Variants in ADAMTS17 observed in about 807,000 individuals in gnomAD.
ADAMTS17 encodes A disintegrin and metalloproteinase with thrombospondin motifs 17.
A neutral mutation model predicts 141.5 loss-of-function variants in ADAMTS17; 113 were observed. The observed-to-expected ratio is 0.80, with a 90% confidence interval of 0.69 to 0.93. The LOEUF is 0.93. Ranked by LOEUF, ADAMTS17 falls within the 40% of genes least tolerant of loss-of-function variation. The probability of loss-of-function intolerance (pLI) is 0.00; values close to 1 mark genes in which losing one functional copy is unlikely to be tolerated. For missense variants in ADAMTS17, 1,659 were observed against 1,517.9 expected, an observed-to-expected ratio of 1.09 and a Z score of -1.54; for synonymous variants, 768 against 630.6, an observed-to-expected ratio of 1.22 and a Z score of -3.27.
intron 4 of ADAMTS17, among the ~76,000 whole-genome samples, chr15:100,264,002 G>C (rs1466406105): frequency 2.6e-5 from 4 of 152,192 alleles, no homozygotes; most frequent in Non-Finnish European, 5.9e-5. Flanking sequence ...CGTGACAAAG[G>C]AATCAGCCGT....
intron 15 of ADAMTS17, among the ~76,000 whole-genome samples, chr15:100,080,309 CAAG>C (rs2034647014): frequency 6.6e-6 from 1 of 152,022 alleles, no homozygotes; most frequent in South Asian, 2.1e-4. Flanking sequence ...GTCAACAGGC[CAAG>C]AAGGGAGTTA....
intron 10 of ADAMTS17, among the ~76,000 whole-genome samples, chr15:100,147,490 C>A (rs997256085): frequency 6.6e-6 from 1 of 152,182 alleles, no homozygotes; most frequent in African/African-American, 2.4e-5. Flanking sequence ...TGTACTACTA[C>A]TACTACACCA....
intron 8 of ADAMTS17, among the ~76,000 whole-genome samples, chr15:100,177,979 T>C (rs562208441): frequency 5.4e-4 from 81 of 151,094 alleles, no homozygotes; most frequent in African/African-American, 1.8e-3. Flanking sequence ...ATATAGCGAT[T>C]CCTGTTTTTT....
At chr15:100,324,008 A>C (rs2045818157) in intron 3 of ADAMTS17, among the ~76,000 whole-genome samples, 1 of 147,896 alleles carries the variant, frequency 6.8e-6, no homozygotes, top group Admixed American at 7.0e-5. Flanking sequence ...TCACATCCGT[A>C]AACGTTCCTT....
chr15:100,139,165 A>G (rs147761450), intron 10 of ADAMTS17, among the ~76,000 whole-genome samples: 1 of 152,328 alleles, frequency 6.6e-6, no homozygotes, highest in East Asian at 1.9e-4. Flanking sequence ...TAAACAATAC[A>G]AGAAAAAGGG....
chr15:100,151,525 C>G (rs1425800327), intron 10 of ADAMTS17, among the ~76,000 whole-genome samples: 1 of 152,176 alleles, frequency 6.6e-6, no homozygotes. Context: ...GCTCCAGGAA[C>G]CTGCCCAGCC....
intron 7 of ADAMTS17, among the ~76,000 whole-genome samples, chr15:100,253,620 T>C (rs8032723): frequency 9.6e-4 from 146 of 152,140 alleles, no homozygotes; most frequent in African/African-American, 3.3e-3. Flanking sequence ...TGCATGCCAC[T>C]TTCAGTGCTG....
chr15:100,199,180 G>A lies in ADAMTS17; in HGVS notation c.1181+138C>T, dbSNP rs977849268. ...GGTCTCTGAGGGTTTGGACCCTAGTGTACTGACCTGGGTCCTTTATTGCAG... is the reference window on the plus strand; with the variant it reads ...GGTCTCTGAGGGTTTGGACCCTAGTATACTGACCTGGGTCCTTTATTGCAG... On this transcript the variant is annotated intron_variant, in intron 8 of 21. Coordinates refer to ENST00000268070, the MANE Select transcript of ADAMTS17 (RefSeq NM_139057.4). 5.0e-6 allele frequency: 4 copies of A among 795,102 alleles called. No individual in the cohort carries two copies. The African/African-American group carries it at 6.8e-5, about 13-fold the overall frequency. The allele number at this position is 795,102 out of a possible 1,614,324, so 49.3% of individuals were successfully genotyped here.
intron 7 of ADAMTS17, among the ~76,000 whole-genome samples, chr15:100,244,056 G>A (rs1037122127): frequency 2.0e-5 from 3 of 152,094 alleles, no homozygotes; most frequent in African/African-American, 7.2e-5. Flanking sequence ...CATGGCTGAG[G>A]AGGCCTCACA....
At chr15:99,983,478 C>T (rs113346507) in intron 20 of ADAMTS17, among the ~76,000 whole-genome samples, 63 of 152,242 alleles carry the variant, frequency 4.1e-4, no homozygotes, top group Admixed American at 9.2e-4. Flanking sequence ...TTCCCCACAG[C>T]GGGATTCCCT....
At chr15:100,037,711 G>A (rs1000019358) in intron 18 of ADAMTS17, among the ~76,000 whole-genome samples, 1 of 151,980 alleles carries the variant, frequency 6.6e-6, no homozygotes, top group Non-Finnish European at 1.5e-5. Context: ...GCTTGGCCTA[G>A]ATGTTCTTCA....
chr15:100,210,286 A>G (rs1596285886), intron 7 of ADAMTS17, among the ~76,000 whole-genome samples: 1 of 151,230 alleles, frequency 6.6e-6, no homozygotes, highest in Admixed American at 6.6e-5. Context: ...GGGAGGGGTA[A>G]GTAATGAGGC....
At chr15:100,082,162 T>G (rs543348940) in intron 15 of ADAMTS17, among the ~76,000 whole-genome samples, 1 of 151,836 alleles carries the variant, frequency 6.6e-6, no homozygotes, top group South Asian at 2.1e-4. Flanking sequence ...GCCTCCTGGG[T>G]TCAAGCGATT....
At chr15:99,981,365 G>A (rs1486600364) in intron 20 of ADAMTS17, among the ~76,000 whole-genome samples, 1 of 145,730 alleles carries the variant, frequency 6.9e-6, no homozygotes, top group Non-Finnish European at 1.5e-5. Flanking sequence ...AGGGCCAGGT[G>A]TGAGGCAGTT....
intron 10 of ADAMTS17, among the ~76,000 whole-genome samples, chr15:100,138,230 A>T (rs1448870487): frequency 2.0e-5 from 3 of 152,228 alleles, no homozygotes; most frequent in Non-Finnish European, 2.9e-5. Context: ...TAAAGAGAGC[A>T]ATTTAGGATC....
rs544372449 is a variant in ADAMTS17 at position 100,077,447 on chromosome 15, G to A, written c.2137+18909C>T. 9.0e-5 allele frequency among the ~76,000 whole-genome samples: 11 copies of A among 121,676 alleles called. No individual in the cohort carries two copies. In the East Asian group the frequency reaches 2.5e-3, roughly 28 times the overall value. The allele number at this position is 121,676 out of a possible 152,430, so 79.8% of individuals were successfully genotyped here. ...ACTGCACTCCAGCCTGGGCAACAGA[G>A]TGAGACTCCCTCTCAAAAAAAAAAA... On this transcript the variant is annotated intron_variant, in intron 15 of 21. Transcript: ENST00000268070.
intron 18 of ADAMTS17, among the ~76,000 whole-genome samples, chr15:100,033,717 A>G (rs1596271417): frequency 1.3e-5 from 2 of 152,242 alleles, no homozygotes; most frequent in South Asian, 4.1e-4. Flanking sequence ...GAGTGGATAC[A>G]GGAGCTGCTC....
intron 18 of ADAMTS17, among the ~76,000 whole-genome samples, chr15:100,038,245 G>A (rs1489900376): frequency 6.6e-6 from 1 of 152,212 alleles, no homozygotes; most frequent in East Asian, 1.9e-4. Context: ...CCTTATGCCA[G>A]GGCCACACTG....
intron 18 of ADAMTS17, among the ~76,000 whole-genome samples, chr15:100,013,306 G>C (rs1025602219): frequency 6.6e-6 from 1 of 152,090 alleles, no homozygotes; most frequent in African/African-American, 2.4e-5. Flanking sequence ...GGGTTTTCTA[G>C]GTAAACGACC....
Sources: gnomAD v4.1 joint callset for allele counts (sites outside exome capture counted in the v4.1 genomes callset) on GRCh38, gnomAD v4.1.1 for gene constraint, MANE v1.5 for transcripts, NCBI Gene and HGNC (gene_info 2026-07-23, HGNC 2026-07-21) for gene names.